The following PTPRK variants were observed in gnomAD, a reference collection of about 807,000 sequenced individuals.
PTPRK encodes protein tyrosine phosphatase receptor type K, also known as receptor-type tyrosine-protein phosphatase kappa.
In PTPRK, 75 loss-of-function variants were observed where a neutral mutation model predicts 178.0. That is an observed-to-expected ratio of 0.42 (90% CI 0.35 to 0.51). The LOEUF is 0.51. PTPRK is among the 20% of genes least tolerant of loss of function. The probability of loss-of-function intolerance (pLI) is 0.02; values close to 1 mark genes in which losing one functional copy is unlikely to be tolerated. For missense variants in PTPRK, 1,441 were observed against 1,797.8 expected (o/e 0.80, Z 3.59); for synonymous variants, 637 against 620.6 (o/e 1.03, Z -0.39).
chr6:128,422,991 C>T (rs1201341414), intron 1 of PTPRK, among the ~76,000 whole-genome samples: 14 of 152,108 alleles, frequency 9.2e-5, no homozygotes, highest in Admixed American at 9.2e-4. Context: ...TTGGGAAGTC[C>T]AGCATCTCTG....
intron 3 of PTPRK, among the ~76,000 whole-genome samples, chr6:128,297,969 A>G (rs574861388): frequency 4.6e-5 from 7 of 152,336 alleles, no homozygotes; most frequent in African/African-American, 1.7e-4. Context: ...CAAAATTGAT[A>G]GACTGCTAGC....
At chr6:128,428,608 T>C (rs1844458806) in intron 1 of PTPRK, among the ~76,000 whole-genome samples, 2 of 152,086 alleles carry the variant, frequency 1.3e-5, no homozygotes, top group Admixed American at 1.3e-4. Context: ...AAATAGTCAT[T>C]CCAGACAAAC....
intron 5 of PTPRK, among the ~76,000 whole-genome samples, chr6:128,231,819 A>C (rs1180342719): frequency 6.6e-6 from 1 of 152,228 alleles, no homozygotes; most frequent in Admixed American, 6.5e-5. Flanking sequence ...ACTGTCTTTT[A>C]AAAATAAACT....
chr6:128,121,482 T>C (rs1418227575), intron 7 of PTPRK, among the ~76,000 whole-genome samples: 1 of 152,014 alleles, frequency 6.6e-6, no homozygotes, highest in African/African-American at 2.4e-5. Flanking sequence ...GGTCAAATGA[T>C]TGAAACATTA....
chr6:128,269,516 A>C (rs1394416294), intron 3 of PTPRK, among the ~76,000 whole-genome samples: 2 of 150,798 alleles, frequency 1.3e-5, no homozygotes, highest in Admixed American at 6.6e-5. Context: ...TAAAAAAATA[A>C]ATTTAAAAAA....
rs191924083 is a variant in PTPRK, at chr6:128,128,789, C to T, written c.1163-38797G>A. ...AGCTATACACTCAACTCTCAAGAGGCAGTCATTCTTTTCTAATGCTAGAGT... is the reference window on the plus strand; with the variant it reads ...AGCTATACACTCAACTCTCAAGAGGTAGTCATTCTTTTCTAATGCTAGAGT... On this transcript the variant is annotated intron_variant, in intron 7 of 29. Transcript: ENST00000368226. Among the ~76,000 whole-genome samples the T allele has an allele frequency of 3.5e-3, 527 of 152,236 alleles. 1 individual carries two copies. The highest frequency in any genetic ancestry group is 5.7e-3 in the Non-Finnish European group (390 of 68,004).
intron 3 of PTPRK, among the ~76,000 whole-genome samples, chr6:128,251,301 T>A (rs1485745627): frequency 6.6e-6 from 1 of 152,180 alleles, no homozygotes; most frequent in African/African-American, 2.4e-5. Context: ...CTTGAGAAAG[T>A]AATGAGGGGG....
chr6:128,243,749 A>G (rs976503740), intron 3 of PTPRK, among the ~76,000 whole-genome samples: 1 of 152,112 alleles, frequency 6.6e-6, no homozygotes, highest in Admixed American at 6.6e-5. Context: ...AAACAGATTT[A>G]GCATTCAGCT....
chr6:128,446,447 T>C (rs1489172135), intron 1 of PTPRK, among the ~76,000 whole-genome samples: 1 of 152,226 alleles, frequency 6.6e-6, no homozygotes, highest in African/African-American at 2.4e-5. Flanking sequence ...TGGATCACTC[T>C]GTCATTCTCA....
At chr6:128,131,538 GAGCATCTC>G (rs1181047034) in intron 7 of PTPRK, among the ~76,000 whole-genome samples, 1 of 152,122 alleles carries the variant, frequency 6.6e-6, no homozygotes, top group Non-Finnish European at 1.5e-5. Flanking sequence ...CCAGGCATCT[GAGCATCTC>G]AGCATATAAT....
intron 13 of PTPRK, among the ~76,000 whole-genome samples, chr6:128,028,648 A>G (rs1774739160): frequency 6.6e-6 from 1 of 152,222 alleles, no homozygotes; most frequent in South Asian, 2.1e-4. Flanking sequence ...TGAAATTATT[A>G]CTTCAACTAT....
chr6:128,458,964 CA>C (rs910775007), intron 1 of PTPRK, among the ~76,000 whole-genome samples: 9 of 152,216 alleles, frequency 5.9e-5, no homozygotes, highest in Admixed American at 4.6e-4. Flanking sequence ...TTTGGAAATA[CA>C]TGCATTGACA....
At chr6:128,275,202 A>T (rs2128299305) in intron 3 of PTPRK, among the ~76,000 whole-genome samples, 1 of 152,114 alleles carries the variant, frequency 6.6e-6, no homozygotes, top group East Asian at 1.9e-4. Context: ...TCACTTGACC[A>T]AGCTTACAGG....
intron 3 of PTPRK, among the ~76,000 whole-genome samples, chr6:128,272,768 A>C (rs527617896): frequency 3.3e-5 from 5 of 152,304 alleles, no homozygotes; most frequent in Admixed American, 3.3e-4. Context: ...GTGGGACTGT[A>C]AACTAGTTCA....
At chr6:128,369,012 A>G (rs1002286666) in intron 2 of PTPRK, among the ~76,000 whole-genome samples, 1 of 152,140 alleles carries the variant, frequency 6.6e-6, no homozygotes, top group Non-Finnish European at 1.5e-5. Flanking sequence ...TAAACTACAT[A>G]GTTGACTTAA....
At chr6:128,192,821 A>AAAGGGAAGGG (rs199738370) in intron 6 of PTPRK, among the ~76,000 whole-genome samples, 4 of 141,790 alleles carry the variant, frequency 2.8e-5, no homozygotes, top group East Asian at 4.6e-4. Flanking sequence ...TATATCAGAA[A>AAAGGGAAGGG]AAGGGAAGGG....
chr6:128,465,586 C>T (rs1849744156), intron 1 of PTPRK, among the ~76,000 whole-genome samples: 1 of 152,182 alleles, frequency 6.6e-6, no homozygotes, highest in African/African-American at 2.4e-5. Context: ...TCAGGGCTGA[C>T]TTTATCACTT....
rs762251977 is a variant in PTPRK at position 128,064,776 on chromosome 6, C to T, written c.2176G>A (p.Val726Ile). ...SVEKETKTQC[V>I]RIATKAAATE... ...CTCTTACCTTTTGTAGCAATGCGTACGCACTGGGTTTTAGTTTCCTGATAG... is the reference window on the plus strand; with the variant it reads ...CTCTTACCTTTTGTAGCAATGCGTATGCACTGGGTTTTAGTTTCCTGATAG... The change falls in exon 13 of 30, where the codon GTA becomes ATA. Residue 726 changes from valine (V) to isoleucine (I), a missense_variant. Val to Ile is a conservative substitution (Grantham distance 29). This residue lies in a region of PTPRK where 945 missense variants were observed against 1,080.6 expected (regional missense o/e 0.87). Transcript: ENST00000368226. 3.8e-5 allele frequency: 61 copies of T among 1,586,376 alleles called. No homozygotes were observed. Among genetic ancestry groups the T allele is most frequent in the East Asian group, 2.1e-4 (9 of 43,790 alleles).
At chr6:128,069,162 C>T (rs1371933829) in intron 11 of PTPRK, among the ~76,000 whole-genome samples, 1 of 142,520 alleles carries the variant, frequency 7.0e-6, no homozygotes, top group South Asian at 2.1e-4. Context: ...TACAGATTTT[C>T]TTTTCTTCCT....
Sources: allele counts gnomAD v4.1 joint callset (sites outside exome capture counted in the v4.1 genomes callset), GRCh38; gene constraint gnomAD v4.1.1; regional missense constraint gnomAD v4.1.1; transcripts MANE v1.5; gene names NCBI Gene and HGNC (gene_info 2026-07-23, HGNC 2026-07-21).